Variants in PTPRC observed in about 807,000 individuals in gnomAD.
The protein encoded by PTPRC is protein tyrosine phosphatase receptor type C, also known as receptor-type tyrosine-protein phosphatase C.
In PTPRC, 44 loss-of-function variants were observed where a neutral mutation model predicts 155.9. The observed-to-expected ratio is 0.28, with a 90% confidence interval of 0.22 to 0.36. PTPRC has a LOEUF of 0.36. PTPRC is among the 10% of genes least tolerant of loss of function. The probability of loss-of-function intolerance (pLI) is 1.00; values close to 1 mark genes in which losing one functional copy is unlikely to be tolerated. For missense variants in PTPRC, 1,401 were observed against 1,564.6 expected, an observed-to-expected ratio of 0.90 and a Z score of 1.76; for synonymous variants, 525 against 533.1, an observed-to-expected ratio of 0.98 and a Z score of 0.21.
intron 14 of PTPRC, among the ~76,000 whole-genome samples, chr1:198,719,158 T>C (rs1403312839): frequency 1.3e-5 from 2 of 152,178 alleles, no homozygotes; most frequent in Admixed American, 1.3e-4. Context: ...TTTTTTTTTC[T>C]ATAAAATTTA....
chr1:198,649,983 T>A (rs1258084040), intron 2 of PTPRC, among the ~76,000 whole-genome samples: 2 of 151,800 alleles, frequency 1.3e-5, no homozygotes, highest in Admixed American at 1.3e-4. Context: ...TCGGGGAAGA[T>A]CCTTATGAAG....
At chr1:198,730,984 C>T (rs2102480876) in intron 17 of PTPRC, among the ~76,000 whole-genome samples, 2 of 152,198 alleles carry the variant, frequency 1.3e-5, no homozygotes, top group South Asian at 4.2e-4. Context: ...ATTCTCTTAC[C>T]TTTCTAAAGC....
At chr1:198,704,378 A>C in intron 7 of PTPRC, 94 bp from the exon 8 acceptor site, 2 of 1,585,838 alleles carry the variant, frequency 1.3e-6, no homozygotes, top group South Asian at 2.3e-5. Context: ...GACTTTATGA[A>C]GTAGAAGTAT....
At chr1:198,723,206 CCTAGTACT>C (rs909203026) in intron 15 of PTPRC, among the ~76,000 whole-genome samples, 3 of 151,496 alleles carry the variant, frequency 2.0e-5, no homozygotes, top group African/African-American at 7.3e-5. Flanking sequence ...AGGAAGGAGA[CCTAGTACT>C]CTACTTTGGG....
chr1:198,664,235 C>A (rs1223499721), intron 2 of PTPRC, among the ~76,000 whole-genome samples: 3 of 152,112 alleles, frequency 2.0e-5, no homozygotes, highest in Non-Finnish European at 4.4e-5. Flanking sequence ...AGACCATCTT[C>A]CCACATTTGA....
intron 2 of PTPRC, among the ~76,000 whole-genome samples, chr1:198,649,255 T>C (rs1401418504): frequency 6.6e-6 from 1 of 151,858 alleles, no homozygotes; most frequent in Non-Finnish European, 1.5e-5. Context: ...GTTTATAAAA[T>C]AAGATTTTAA....
At chr1:198,644,632 T>C (rs1443803354) in intron 2 of PTPRC, among the ~76,000 whole-genome samples, 2 of 151,706 alleles carry the variant, frequency 1.3e-5, no homozygotes, top group African/African-American at 4.8e-5. Context: ...CAAGAACAAA[T>C]AGAGAAACAA....
intron 8 of PTPRC, among the ~76,000 whole-genome samples, chr1:198,705,467 C>T (rs1652905582): frequency 6.8e-6 from 1 of 146,762 alleles, no homozygotes; most frequent in Non-Finnish European, 1.5e-5. Flanking sequence ...GTTGCCCGGG[C>T]TGGAGTGCAG....
intron 2 of PTPRC, 45 bp downstream of exon 2, chr1:198,639,386 T>C (rs1480103578): frequency 6.9e-7 from 1 of 1,440,432 alleles, no homozygotes; most frequent in Admixed American, 1.7e-5. Context: ...TTTTTCTCTT[T>C]TGGAGGAATG....
At chr1:198,666,774 T>C (rs1358961220) in intron 2 of PTPRC, among the ~76,000 whole-genome samples, 1 of 152,210 alleles carries the variant, frequency 6.6e-6, no homozygotes, top group Admixed American at 6.5e-5. Flanking sequence ...TCCTTTTCAT[T>C]TGTCTTTTTA....
intron 2 of PTPRC, among the ~76,000 whole-genome samples, chr1:198,669,970 C>A (rs1452730276): frequency 2.0e-5 from 3 of 152,094 alleles, no homozygotes; most frequent in African/African-American, 7.2e-5. Flanking sequence ...AAAATTAATA[C>A]TAATTTTATT....
At chr1:198,669,692 C>A (rs1248466671) in intron 2 of PTPRC, among the ~76,000 whole-genome samples, 1 of 152,146 alleles carries the variant, frequency 6.6e-6, no homozygotes, top group Non-Finnish European at 1.5e-5. Context: ...CAGACCCCTT[C>A]TTTCCCCCAA....
At position 198,710,886 on chromosome 1, in the gene PTPRC, G is replaced by A. The variant is rs12733073; in HGVS notation, c.1171+1062G>A. Among the ~76,000 whole-genome samples, 1,091 of 152,288 alleles carry A rather than the reference G, an allele frequency of 7.2e-3. 14 individuals are homozygous for A. Among genetic ancestry groups the A allele is most frequent in the Non-Finnish European group, 0.01 (687 of 68,008 alleles). On this transcript the variant is annotated intron_variant, in intron 11 of 32. Transcript: ENST00000442510. ...TGTTTTGATTTTGAGACGGAGTCTC[G>A]CTCTGTTGCCCAGGCTGGAGTGCAG...
At chr1:198,675,947 T>C (rs927725828) in intron 2 of PTPRC, among the ~76,000 whole-genome samples, 4 of 152,202 alleles carry the variant, frequency 2.6e-5, no homozygotes, top group Non-Finnish European at 4.4e-5. Flanking sequence ...CCTTAGACTG[T>C]ACCTCAAGAT....
chr1:198,665,420 A>G (rs952692609), intron 2 of PTPRC, among the ~76,000 whole-genome samples: 7 of 152,094 alleles, frequency 4.6e-5, no homozygotes, highest in African/African-American at 1.4e-4. Context: ...GTCAAAGTCA[A>G]GAAGTCATTA....
At chr1:198,716,877 G>A in intron 13 of PTPRC, 37 bp downstream of exon 13, 1 of 1,599,494 alleles carries the variant, frequency 6.3e-7, no homozygotes, top group Non-Finnish European at 8.6e-7. Context: ...TCCATAAATG[G>A]TAAAAAGCAA....
At chr1:198,755,096 T>C (rs565599234) in intron 32 of PTPRC, among the ~76,000 whole-genome samples, 5 of 151,888 alleles carry the variant, frequency 3.3e-5, no homozygotes, top group South Asian at 2.1e-4. Flanking sequence ...TTCTTCTGTA[T>C]GTTATTAGCC....
intron 8 of PTPRC, among the ~76,000 whole-genome samples, chr1:198,705,657 G>C (rs1652918445): frequency 1.3e-5 from 2 of 151,944 alleles, no homozygotes; most frequent in Admixed American, 1.3e-4. Flanking sequence ...CTGACCTCAG[G>C]TGATCAACCT....
intron 3 of PTPRC, chr1:198,693,940 GAACT>G: frequency 6.8e-7 from 1 of 1,468,152 alleles, no homozygotes; most frequent in African/African-American, 1.4e-5. Flanking sequence ...TAGAGGGACA[GAACT>G]AATAGGTTAG....
Sources: gnomAD v4.1 joint callset for allele counts (sites outside exome capture counted in the v4.1 genomes callset) on GRCh38, gnomAD v4.1.1 for gene constraint, MANE v1.5 for transcripts, NCBI Gene and HGNC (gene_info 2026-07-23, HGNC 2026-07-21) for gene names.